Variants in SULF1 observed in about 807,000 individuals in gnomAD.
The protein encoded by SULF1 is extracellular sulfatase Sulf-1.
SULF1 carries 46 observed loss-of-function variants against 110.5 expected under a neutral mutation model. The ratio of observed to expected loss-of-function variants is 0.42; its 90% CI spans 0.33 to 0.53. The LOEUF is 0.53. Ranked by LOEUF, SULF1 falls within the 20% of genes least tolerant of loss-of-function variation. SULF1 has a pLI of 0.12. For synonymous variants in SULF1, 371 were observed against 387.1 expected (o/e 0.96, Z 0.49); for missense variants, 941 against 1,094.2 (o/e 0.86, Z 1.98).
At chr8:69,595,903 A>G (rs1300095934) in intron 8 of SULF1, among the ~76,000 whole-genome samples, 2 of 152,258 alleles carry the variant, frequency 1.3e-5, no homozygotes, top group East Asian at 3.8e-4. Context: ...CTTTGCTAGT[A>G]AGAATTATTC....
chr8:69,549,690 C>A (rs982459003), intron 3 of SULF1, among the ~76,000 whole-genome samples: 4 of 152,070 alleles, frequency 2.6e-5, no homozygotes, highest in African/African-American at 9.7e-5. Flanking sequence ...AAAGCAAGCA[C>A]CCCAGTACTA....
intron 8 of SULF1, among the ~76,000 whole-genome samples, chr8:69,589,802 G>GA (rs1182248582): frequency 6.6e-6 from 1 of 152,102 alleles, no homozygotes; most frequent in Admixed American, 6.5e-5. Context: ...GCCAAAGGTG[G>GA]AAAAATCTAG....
rs781668843 is a variant in SULF1 at position 69,628,184 on chromosome 8, G to A, written c.2056G>A (p.Glu686Lys). ...SCSKQSYYNK[E>K]KGVKKQEKLK... ...TCTCTCCTGCAGCTATTACAATAAA[G>A]AGAAAGGTGTAAAAAAGCAAGAGAA... The change falls in exon 18 of 23, where the codon GAG becomes AAG. Residue 686 changes from glutamate to lysine, a missense_variant. Transcript: ENST00000402687. The A allele has an allele frequency of 2.5e-6, 4 of 1,613,654 alleles. No homozygotes were observed. The highest frequency in any genetic ancestry group is 2.2e-5 in the South Asian group (2 of 91,074).
At chr8:69,651,733 C>A (rs1469897322) in intron 22 of SULF1, among the ~76,000 whole-genome samples, 2 of 151,948 alleles carry the variant, frequency 1.3e-5, no homozygotes, top group African/African-American at 4.8e-5. Context: ...TTGTGTGTTG[C>A]TTTCGTAATA....
intron 22 of SULF1, among the ~76,000 whole-genome samples, chr8:69,650,843 G>T (rs1319977240): frequency 1.3e-5 from 2 of 151,958 alleles, no homozygotes; most frequent in African/African-American, 4.8e-5. Context: ...CATGTTCCAG[G>T]TTCATATGGC....
intron 3 of SULF1, among the ~76,000 whole-genome samples, chr8:69,535,909 T>C (rs1813399187): frequency 6.6e-6 from 1 of 151,740 alleles, no homozygotes; most frequent in Non-Finnish European, 1.5e-5. Flanking sequence ...TCCCAGCTAC[T>C]CAGGAGACTG....
At chr8:69,511,570 A>G (rs1482183197) in intron 3 of SULF1, among the ~76,000 whole-genome samples, 1 of 152,206 alleles carries the variant, frequency 6.6e-6, no homozygotes, top group Non-Finnish European at 1.5e-5. Context: ...TTTTAGAGCC[A>G]TTTTTGGTTC....
chr8:69,624,777 A>C (rs1303633316), intron 15 of SULF1, among the ~76,000 whole-genome samples: 2 of 152,226 alleles, frequency 1.3e-5, no homozygotes, highest in South Asian at 4.1e-4. Context: ...AGTCAAGGGG[A>C]CAGGGAAGGC....
At chr8:69,488,178 G>C (rs1050092994), upstream of SULF1, among the ~76,000 whole-genome samples, 3 of 152,162 alleles carry the variant, frequency 2.0e-5, no homozygotes, top group Non-Finnish European at 4.4e-5. Context: ...TTCTAGGGCT[G>C]AGACTCTGGA....
In SULF1 at chr8:69,614,993, G is replaced by A. The variant is rs149028834; in HGVS notation, c.1378-6042G>A. On this transcript the variant is annotated intron_variant, in intron 13 of 22. Coordinates refer to ENST00000402687, the MANE Select transcript of SULF1 (RefSeq NM_001128205.2). ...GAAGGAATGAACCATCAGTGAAGATGGAGACAATCGGATTTGGCAATTAAC... is the reference window on the plus strand; with the variant it reads ...GAAGGAATGAACCATCAGTGAAGATAGAGACAATCGGATTTGGCAATTAAC... 3.0e-3 allele frequency among the ~76,000 whole-genome samples: 454 copies of A among 152,324 alleles called. 5 individuals are homozygous for A. The highest frequency in any genetic ancestry group is 0.011 in the African/African-American group (444 of 41,568).
At chr8:69,658,274 A>G (rs1812871164) in intron 22 of SULF1, among the ~76,000 whole-genome samples, 1 of 152,148 alleles carries the variant, frequency 6.6e-6, no homozygotes, top group South Asian at 2.1e-4. Flanking sequence ...AGCACTAACC[A>G]TGCTTAGTCA....
At chr8:69,522,545 G>T (rs1703605202) in intron 3 of SULF1, among the ~76,000 whole-genome samples, 1 of 152,170 alleles carries the variant, frequency 6.6e-6, no homozygotes, top group Admixed American at 6.6e-5. Context: ...CCTATATTTG[G>T]AAATAAAGTT....
chr8:69,473,153 A>G (rs1383720787), intron 1 of SULF1: 1 of 152,068 alleles, frequency 6.6e-6, no homozygotes, highest in South Asian at 2.1e-4. Context: ...GCCACTTTTA[A>G]TTAAAAAAAA....
At position 69,627,336 on chromosome 8, in the gene SULF1, T is replaced by C. The variant is rs773234206; in HGVS notation, c.1947+30T>C. The C allele has an allele frequency of 3.2e-6, 5 of 1,572,278 alleles. No individual in the cohort carries two copies. The African/African-American group carries it at 4.1e-5, about 13-fold the overall frequency. ...GCCATGGCTATGTGACTGTCAGATA[T>C]ATTCCAAACTCAAACTCGGCCTGCC... On this transcript the variant is annotated intron_variant, in intron 16 of 22. Coordinates refer to ENST00000402687, the MANE Select transcript of SULF1 (RefSeq NM_001128205.2).
chr8:69,617,313 C>T lies in SULF1; in HGVS notation c.1378-3722C>T, dbSNP rs112472643. Among the ~76,000 whole-genome samples the T allele has an allele frequency of 1.4e-3, 208 of 143,496 alleles. 1 individual carries two copies. The highest frequency in any genetic ancestry group is 3.6e-3 in the Admixed American group (51 of 14,118). The allele number at this position is 143,496 out of a possible 152,430, so 94.1% of individuals were successfully genotyped here. Reference sequence around the variant, plus strand: ...CAGCCTCCCTCCAAGTAGCTGGGACCACAGGCATGTGCCAGCATGCTTAGA... The same window carrying T: ...CAGCCTCCCTCCAAGTAGCTGGGACTACAGGCATGTGCCAGCATGCTTAGA... On this transcript the variant is annotated intron_variant, in intron 13 of 22. Transcript: ENST00000402687.
At chr8:69,600,877 A>AAG (rs565702556) in intron 9 of SULF1, 124 bp downstream of exon 9, 2 of 1,120,590 alleles carry the variant, frequency 1.8e-6, no homozygotes, top group South Asian at 1.6e-5. Flanking sequence ...GAGAGAAAGA[A>AAG]AGAGAGAGAG....
At chr8:69,590,011 C>A (rs1806776089) in intron 8 of SULF1, among the ~76,000 whole-genome samples, 1 of 152,162 alleles carries the variant, frequency 6.6e-6, no homozygotes. Flanking sequence ...AAAATTGGTT[C>A]TTAATCTATT....
chr8:69,562,310 CT>C (rs1408742228), intron 3 of SULF1, among the ~76,000 whole-genome samples: 1 of 152,206 alleles, frequency 6.6e-6, no homozygotes, highest in African/African-American at 2.4e-5. Context: ...TCACTACCCC[CT>C]GTCACCTTCC....
At position 69,658,772 on chromosome 8, in the gene SULF1, C is replaced by G. The variant is rs371124844; in HGVS notation, c.*237C>G. 1 of 650,030 alleles carries G rather than the reference C, an allele frequency of 1.5e-6. No homozygotes were observed. The allele number at this position is 650,030 out of a possible 1,614,324, so 40.3% of individuals were successfully genotyped here. The stretch of plus-strand genomic sequence containing the variant: ...TTCTTGGTTGTCTCTGCTGAGCACG[C>G]TGTGTCAATGGAGATGGCCTCTGCT... On this transcript the variant is annotated 3_prime_UTR_variant, in exon 23 of 23. Transcript: ENST00000402687.
Sources: allele counts gnomAD v4.1 joint callset (sites outside exome capture counted in the v4.1 genomes callset), GRCh38; gene constraint gnomAD v4.1.1; transcripts MANE v1.5; gene names NCBI Gene and HGNC (gene_info 2026-07-23, HGNC 2026-07-21).